The following CCNK variants were observed in gnomAD, a reference collection of about 807,000 sequenced individuals.
CCNK encodes cyclin K.
In CCNK, 9 loss-of-function variants were observed where a neutral mutation model predicts 65.0. The ratio of observed to expected loss-of-function variants is 0.14; its 90% CI spans 0.08 to 0.24. The LOEUF is 0.24. Among genes scored for constraint, CCNK ranks in the 10% least tolerant of loss-of-function variants. The probability of loss-of-function intolerance (pLI) is 1.00; values close to 1 mark genes in which losing one functional copy is unlikely to be tolerated. For synonymous variants in CCNK, 279 were observed against 270.8 expected, an observed-to-expected ratio of 1.03 and a Z score of -0.30; for missense variants, 474 against 720.0, an observed-to-expected ratio of 0.66 and a Z score of 3.91.
At chr14:99,504,310 C>T (rs1896917474) in intron 9 of CCNK, 1 of 155,576 alleles carries the variant, frequency 6.4e-6, no homozygotes, top group Non-Finnish European at 1.4e-5. Context: ...TTCTTAGTTC[C>T]AGTAGTTCCT....
intron 10 of CCNK, chr14:99,509,856 G>T: frequency 4.2e-6 from 2 of 473,572 alleles, no homozygotes; most frequent in South Asian, 3.2e-5. Flanking sequence ...GGAAGAGGGG[G>T]CTGGGGCCAG....
chr14:99,495,988 T>C (rs1896692448), intron 4 of CCNK, among the ~76,000 whole-genome samples: 1 of 152,218 alleles, frequency 6.6e-6, no homozygotes, highest in African/African-American at 2.4e-5. Context: ...AAAGTATGTA[T>C]GCTGTATGTA....
chr14:99,502,667 T>C (rs909955801), intron 7 of CCNK, 52 bp from the exon 8 acceptor site: 1 of 1,558,218 alleles, frequency 6.4e-7, no homozygotes, highest in African/African-American at 1.4e-5. Context: ...CCAGGTAAAA[T>C]TTTATTTAAA....
At chr14:99,481,565 C>A in intron 1 of CCNK, 86 bp downstream of exon 1, 1 of 398,146 alleles carries the variant, frequency 2.5e-6, no homozygotes, top group Non-Finnish European at 4.4e-6. Flanking sequence ...CGCCGCTATC[C>A]ACTGGCGGAG....
intron 1 of CCNK, chr14:99,491,974 C>G (rs974092744): frequency 6.6e-6 from 1 of 151,982 alleles, no homozygotes; most frequent in South Asian, 2.1e-4. Context: ...TGTCTTTATT[C>G]TGAGTGAAAG....
chr14:99,483,114 A>G (rs193267842), intron 1 of CCNK, among the ~76,000 whole-genome samples: 29 of 152,338 alleles, frequency 1.9e-4, no homozygotes, highest in African/African-American at 6.5e-4. Flanking sequence ...GTCTGTTTTC[A>G]CATAGAACCA....
intron 1 of CCNK, 106 bp from the exon 2 acceptor site, chr14:99,492,520 T>C: frequency 1.6e-6 from 1 of 622,334 alleles, no homozygotes; most frequent in Non-Finnish European, 2.7e-6. Flanking sequence ...ATTGACAGTG[T>C]GGTTTCTATA....
intron 10 of CCNK, chr14:99,508,170 G>C (rs574405316): frequency 6.6e-6 from 1 of 152,354 alleles, no homozygotes; most frequent in South Asian, 2.1e-4. Context: ...GATAGTGTTT[G>C]TGCTTTGGGA....
chr14:99,494,546 AC>A, intron 3 of CCNK: 1 of 151,758 alleles, frequency 6.6e-6, no homozygotes, highest in African/African-American at 2.4e-5. Flanking sequence ...TCAGTTTTGT[AC>A]CCCCGGCAGA....
chr14:99,511,082 T>C lies in CCNK; in HGVS notation c.*300T>C, dbSNP rs1188787049. The stretch of plus-strand genomic sequence containing the variant: ...TACTAGTGAGGACGTTAACCAGCCA[T>C]ATTGGCTCAATAAATAGCTTCGGTA... On this transcript the variant is annotated 3_prime_UTR_variant, in exon 11 of 11. Transcript: ENST00000389879. 4.0e-6 allele frequency: 1 copy of C among 248,642 alleles called. No individual in the cohort carries two copies. The highest frequency in any genetic ancestry group is 7.6e-6 in the Non-Finnish European group (1 of 130,956). 15.4% of individuals were successfully genotyped at this position (248,642 alleles called of 1,614,324 possible). A position where few individuals can be genotyped will look rare whatever the true frequency, so the allele number is the denominator to read the frequency against.
At chr14:99,493,442 T>C in intron 2 of CCNK, 72 bp from the exon 3 acceptor site, 1 of 902,234 alleles carries the variant, frequency 1.1e-6, no homozygotes, top group South Asian at 1.7e-5. Flanking sequence ...GTTTGTCTTT[T>C]TGTTTTTCTA....
intron 1 of CCNK, among the ~76,000 whole-genome samples, chr14:99,483,864 C>T (rs1225099449): frequency 6.6e-6 from 1 of 152,132 alleles, no homozygotes; most frequent in East Asian, 1.9e-4. Flanking sequence ...TTTCTTAATA[C>T]CAACTTTAAA....
chr14:99,503,636 A>T lies in CCNK; in HGVS notation c.1037A>T (p.Lys346Ile). 6.4e-7 allele frequency: 1 copy of T among 1,560,208 alleles called. No individual in the cohort carries two copies. The highest frequency in any genetic ancestry group is 8.7e-7 in the Non-Finnish European group (1 of 1,150,054). Residue 346 changes from lysine to isoleucine, a missense_variant, in exon 9 of 11, where the codon AAA becomes ATA. Lys to Ile is a moderately radical substitution (Grantham distance 102). This residue lies in a region of CCNK where 229 missense variants were observed against 275.5 expected (regional missense o/e 0.83). Coordinates refer to ENST00000389879, the MANE Select transcript of CCNK (RefSeq NM_001099402.2). The stretch of plus-strand genomic sequence containing the variant: ...GTTGTTTCTCCCAAAGAAGAGAACA[A>T]AGCAGCAGGTAATTTCCTGTTCTGA... ...AVVVSPKEEN[K>I]AAEPPPPKIP...
intron 1 of CCNK, 62 bp downstream of exon 1, chr14:99,481,541 A>G (rs375736266): frequency 5.0e-6 from 2 of 398,494 alleles, no homozygotes; most frequent in East Asian, 7.1e-5. Context: ...AGGTCGGAGT[A>G]GGTTATGGCC....
At chr14:99,482,541 T>C (rs1250079231) in intron 1 of CCNK, among the ~76,000 whole-genome samples, 1 of 152,234 alleles carries the variant, frequency 6.6e-6, no homozygotes, top group Non-Finnish European at 1.5e-5. Flanking sequence ...ATATAATAAT[T>C]ATCCAAGATT....
In CCNK at chr14:99,495,547, C is replaced by CA. The variant is rs1896683162; in HGVS notation, c.336dup (p.Cys113MetfsTer2). On this transcript the variant is annotated frameshift_variant, in exon 4 of 11. Coordinates refer to ENST00000389879, the MANE Select transcript of CCNK (RefSeq NM_001099402.2). LOFTEE classifies it high-confidence loss of function. ...CTGGCTGGGAAAGTAGAAGAAACAC[C>CA]AAAAAAATGTAAAGATATCATCAAA... The CA allele has an allele frequency of 6.2e-7, 1 of 1,612,250 alleles. No homozygotes were observed. The highest frequency in any genetic ancestry group is 8.5e-7 in the Non-Finnish European group (1 of 1,179,146).
intron 4 of CCNK, among the ~76,000 whole-genome samples, chr14:99,496,691 C>T (rs961928336): frequency 2.0e-5 from 3 of 150,254 alleles, no homozygotes; most frequent in African/African-American, 7.4e-5. Flanking sequence ...GCCTGGGCGA[C>T]GGAGCAAAAC....
At position 99,510,860 on chromosome 14, in the gene CCNK, G is replaced by A; in HGVS notation, c.*78G>A. 2 of 1,245,676 alleles carry A rather than the reference G, an allele frequency of 1.6e-6. No homozygotes were observed. The highest frequency in any genetic ancestry group is 3.6e-5 in the Admixed American group (1 of 27,848). 77.2% of individuals were successfully genotyped at this position (1,245,676 alleles called of 1,614,324 possible). ...GCAGAGTAGTTGAAGTGGGTAAGCA[G>A]CAGGGTACCTTGTATAATGCACGAC... On this transcript the variant is annotated 3_prime_UTR_variant, in exon 11 of 11. Coordinates refer to ENST00000389879, the MANE Select transcript of CCNK (RefSeq NM_001099402.2).
intron 9 of CCNK, chr14:99,505,947 T>C (rs1269266424): frequency 6.6e-6 from 1 of 152,378 alleles, no homozygotes; most frequent in African/African-American, 2.4e-5. Context: ...TAGACGGCTT[T>C]AGCTAACTAT....
Sources: allele counts gnomAD v4.1 joint callset (sites outside exome capture counted in the v4.1 genomes callset), GRCh38; gene constraint gnomAD v4.1.1; regional missense constraint gnomAD v4.1.1; transcripts MANE v1.5; gene names NCBI Gene and HGNC (gene_info 2026-07-23, HGNC 2026-07-21).